ARL6: variants seen among roughly 807,000 people sequenced by gnomAD.
ARL6 encodes ARF like GTPase 6.
In ARL6, 18 loss-of-function variants were observed where a neutral mutation model predicts 27.1. That is an observed-to-expected ratio of 0.66 (90% CI 0.46 to 0.98). The LOEUF (loss-of-function observed/expected upper bound fraction) is 0.98, where lower values mean the gene tolerates loss of function less well. ARL6 is among the 50% of genes least tolerant of loss of function. The probability of loss-of-function intolerance (pLI) is 0.00; values close to 1 mark genes in which losing one functional copy is unlikely to be tolerated. For synonymous variants in ARL6, 65 were observed against 72.3 expected (o/e 0.90, Z 0.51); for missense variants, 187 against 214.9 (o/e 0.87, Z 0.81).
intron 5 of ARL6, among the ~76,000 whole-genome samples, chr3:97,787,645 T>TG (rs2037523104): frequency 6.6e-6 from 1 of 152,162 alleles, no homozygotes; most frequent in Admixed American, 6.5e-5. Context: ...TACTTCTACT[T>TG]GAAGTTTGCC....
At chr3:97,789,768 T>G (rs1339337016) in intron 6 of ARL6, among the ~76,000 whole-genome samples, 2 of 152,166 alleles carry the variant, frequency 1.3e-5, no homozygotes, top group Non-Finnish European at 2.9e-5. Flanking sequence ...TAAAAGCATG[T>G]ATAAAATTGA....
At chr3:97,769,563 G>A (rs2036545086) in intron 2 of ARL6, among the ~76,000 whole-genome samples, 2 of 151,634 alleles carry the variant, frequency 1.3e-5, no homozygotes, top group South Asian at 4.2e-4. Context: ...TTCTTTTCTG[G>A]CTATTTTGAA....
At chr3:97,795,640 A>G (rs144934519) in intron 7 of ARL6, among the ~76,000 whole-genome samples, 1 of 152,336 alleles carries the variant, frequency 6.6e-6, no homozygotes, top group East Asian at 1.9e-4. Context: ...TTAAACTACC[A>G]GTGGGGAAAG....
At chr3:97,785,485 T>C (rs969288296) in intron 5 of ARL6, among the ~76,000 whole-genome samples, 1 of 59,512 alleles carries the variant, frequency 1.7e-5, no homozygotes. Flanking sequence ...TACATATTTA[T>C]TCATATATAT....
chr3:97,778,121 T>C (rs1299955739), intron 2 of ARL6, among the ~76,000 whole-genome samples: 4 of 152,144 alleles, frequency 2.6e-5, no homozygotes, highest in Non-Finnish European at 5.9e-5. Flanking sequence ...TTCACAATGA[T>C]TGGCACATTT....
intron 4 of ARL6, among the ~76,000 whole-genome samples, chr3:97,782,054 G>C (rs570260290): frequency 1.3e-5 from 2 of 152,040 alleles, no homozygotes; most frequent in East Asian, 1.9e-4. Flanking sequence ...CTGAGAGAGA[G>C]GGAAAAGAGA....
intron 7 of ARL6, among the ~76,000 whole-genome samples, chr3:97,796,335 G>A (rs1024013440): frequency 2.1e-4 from 32 of 150,862 alleles, no homozygotes; most frequent in African/African-American, 5.6e-4. Flanking sequence ...AAGAAAGAAC[G>A]AAAAAAAATG....
intron 2 of ARL6, among the ~76,000 whole-genome samples, chr3:97,777,939 AAG>A (rs1345495106): frequency 6.6e-6 from 1 of 152,220 alleles, no homozygotes. Flanking sequence ...GGAAATAAAA[AAG>A]AGTTTGTGAA....
chr3:97,797,744 T>G (rs374088554), intron 7 of ARL6, among the ~76,000 whole-genome samples: 4 of 152,244 alleles, frequency 2.6e-5, no homozygotes, highest in South Asian at 4.2e-4. Context: ...AAATAATAAC[T>G]ATAGATGAAT....
At chr3:97,779,094 T>C (rs1410575972) in intron 2 of ARL6, among the ~76,000 whole-genome samples, 1 of 152,200 alleles carries the variant, frequency 6.6e-6, no homozygotes, top group East Asian at 1.9e-4. Context: ...TTTGTCAACA[T>C]GTCTCCTGCT....
At chr3:97,768,968 C>T (rs1044910143) in intron 2 of ARL6, among the ~76,000 whole-genome samples, 1 of 152,010 alleles carries the variant, frequency 6.6e-6, no homozygotes, top group African/African-American at 2.4e-5. Context: ...ACAACACTTG[C>T]TCCCTTCCTA....
chr3:97,797,145 G>A (rs2038041403), intron 7 of ARL6, among the ~76,000 whole-genome samples: 1 of 152,140 alleles, frequency 6.6e-6, no homozygotes, highest in African/African-American at 2.4e-5. Context: ...AAATGACTGT[G>A]GCAGGCATAG....
At chr3:97,768,541 T>A (rs997464426) in intron 2 of ARL6, among the ~76,000 whole-genome samples, 1 of 152,084 alleles carries the variant, frequency 6.6e-6, no homozygotes. Context: ...CAGAGAAAGG[T>A]GAAACATTTT....
intron 5 of ARL6, among the ~76,000 whole-genome samples, chr3:97,785,323 A>T (rs796087507): frequency 4.1e-5 from 6 of 144,830 alleles, no homozygotes; most frequent in East Asian, 2.0e-4. Flanking sequence ...GATTACATAA[A>T]TTGTACCAAA....
At position 97,770,132 on chromosome 3, in the gene ARL6, T is replaced by C. The variant is rs1053903803; in HGVS notation, c.123+1902T>C. On this transcript the variant is annotated intron_variant, in intron 2 of 7. Coordinates refer to ENST00000463745, the MANE Select transcript of ARL6 (RefSeq NM_001278293.3). ...ATACTGTTTTCCATAGTGGCTACACTAATTTGCATTCCCACCAACAATCTA... is the reference window on the plus strand; with the variant it reads ...ATACTGTTTTCCATAGTGGCTACACCAATTTGCATTCCCACCAACAATCTA... Among the ~76,000 whole-genome samples, 8 of 152,268 alleles carry C rather than the reference T, an allele frequency of 5.3e-5. 1 individual carries two copies. In the South Asian group the frequency reaches 1.7e-3, roughly 32 times the overall value.
intron 2 of ARL6, among the ~76,000 whole-genome samples, chr3:97,773,409 C>T (rs1198614133): frequency 6.6e-6 from 1 of 152,182 alleles, no homozygotes; most frequent in Admixed American, 6.5e-5. Flanking sequence ...CACAGACACA[C>T]CCAGGATCAA....
intron 2 of ARL6, among the ~76,000 whole-genome samples, chr3:97,779,068 T>C (rs190689784): frequency 6.6e-6 from 1 of 152,300 alleles, no homozygotes; most frequent in Admixed American, 6.5e-5. Context: ...ATAATACATT[T>C]TAATTGTCAG....
Position 97,791,781 on chromosome 3 carries a change from G to T in ARL6, c.490G>T (p.Ala164Ser). 6.2e-7 allele frequency: 1 copy of T among 1,613,684 alleles called. No homozygotes were observed. The highest frequency in any genetic ancestry group is 8.5e-7 in the Non-Finnish European group (1 of 1,179,736). ...TGGATTTCATTTCAGTGCTAGTGAT[G>T]CCATAAAAGGAGAAGGCTTGCAAGA... Reference protein sequence around the residue: ...DKPWHICASDAIKGEGLQEGV... With the variant: ...DKPWHICASDSIKGEGLQEGV... Residue 164 changes from alanine (A) to serine (S), a missense_variant, in exon 7 of 8, where the codon GCC becomes TCC. Transcript: ENST00000463745.
intron 5 of ARL6, among the ~76,000 whole-genome samples, chr3:97,785,931 A>G (rs1034860729): frequency 2.0e-5 from 3 of 152,228 alleles, no homozygotes; most frequent in Non-Finnish European, 4.4e-5. Context: ...GGGCTTTCTA[A>G]TAAATGTTAC....
Sources: gnomAD v4.1 joint callset for allele counts (sites outside exome capture counted in the v4.1 genomes callset) on GRCh38, gnomAD v4.1.1 for gene constraint, MANE v1.5 for transcripts, NCBI Gene and HGNC (gene_info 2026-07-23, HGNC 2026-07-21) for gene names.